CA8: variants seen among roughly 807,000 people sequenced by gnomAD.
The protein encoded by CA8 is carbonic anhydrase-related protein.
Under a neutral mutation model 41.4 loss-of-function variants are expected in CA8, and 22 were observed. The ratio of observed to expected loss-of-function variants is 0.53; its 90% CI spans 0.38 to 0.76. The LOEUF (loss-of-function observed/expected upper bound fraction) is 0.76. CA8 is among the 30% of genes least tolerant of loss of function. The pLI, the probability that CA8 is intolerant of heterozygous loss-of-function variation, is 0.00. For missense variants in CA8, 270 were observed against 352.8 expected, an observed-to-expected ratio of 0.77 and a Z score of 1.88; for synonymous variants, 121 against 130.6, an observed-to-expected ratio of 0.93 and a Z score of 0.50.
intron 3 of CA8, among the ~76,000 whole-genome samples, chr8:60,235,406 A>G (rs1807795108): frequency 6.6e-6 from 1 of 152,218 alleles, no homozygotes; most frequent in South Asian, 2.1e-4. Flanking sequence ...ATGTCCAAAT[A>G]CAGCCACAGT....
rs1036354755 is a variant in CA8, at chr8:60,281,213, T to C, written c.-66A>G. The C allele has an allele frequency of 1.0e-5, 12 of 1,189,078 alleles. No homozygotes were observed. The highest frequency in any genetic ancestry group is 7.8e-5 in the South Asian group (6 of 76,872). The allele number at this position is 1,189,078 out of a possible 1,614,324, so 73.7% of individuals were successfully genotyped here. On this transcript the variant is annotated 5_prime_UTR_variant, in exon 1 of 9. Coordinates refer to ENST00000317995, the MANE Select transcript of CA8 (RefSeq NM_004056.6). ...CCTGCGCCTTCGCTGGGCGCGGGGC[T>C]GGAGCCGGAGCGGAGCGCGCGTGGG...
intron 3 of CA8, among the ~76,000 whole-genome samples, chr8:60,258,430 C>G (rs888568421): frequency 6.6e-6 from 1 of 152,134 alleles, no homozygotes; most frequent in Non-Finnish European, 1.5e-5. Context: ...GAAATGTATC[C>G]TCCACAGTTA....
At chr8:60,257,659 C>G (rs1461589151) in intron 3 of CA8, among the ~76,000 whole-genome samples, 1 of 152,170 alleles carries the variant, frequency 6.6e-6, no homozygotes, top group Non-Finnish European at 1.5e-5. Context: ...TCTTCCCCAT[C>G]AAGAAAATTT....
rs562492709 is a variant in CA8, at chr8:60,270,797, C to T, written c.293-4748G>A. 2.0e-5 allele frequency among the ~76,000 whole-genome samples: 3 copies of T among 152,304 alleles called. No individual in the cohort carries two copies. In the East Asian group the frequency reaches 5.8e-4, roughly 29 times the overall value. ...AGAAATTCCAATGTTATCTCTAAAA[C>T]TTCCCCAAAATAGTATCATTTAGTT... On this transcript the variant is annotated intron_variant, in intron 2 of 8. Coordinates refer to ENST00000317995, the MANE Select transcript of CA8 (RefSeq NM_004056.6).
intron 7 of CA8, 84 bp from the exon 8 acceptor site, chr8:60,209,003 T>C (rs996304612): frequency 1.5e-6 from 2 of 1,352,202 alleles, no homozygotes; most frequent in Admixed American, 1.7e-5. Context: ...ATGCATAAAA[T>C]ATGTATAAAT....
intron 8 of CA8, among the ~76,000 whole-genome samples, chr8:60,191,675 T>C (rs1245579825): frequency 6.6e-6 from 1 of 152,156 alleles, no homozygotes; most frequent in Non-Finnish European, 1.5e-5. Context: ...GCTGCAGAAC[T>C]CATTTGGGAG....
At chr8:60,237,509 G>A (rs1019063512) in intron 3 of CA8, among the ~76,000 whole-genome samples, 3 of 152,214 alleles carry the variant, frequency 2.0e-5, no homozygotes, top group African/African-American at 4.8e-5. Flanking sequence ...ACGGGTCACT[G>A]CATAGGGTCA....
In CA8 at chr8:60,266,002, C is replaced by T. The variant is rs201131573; in HGVS notation, c.340G>A (p.Glu114Lys). The T allele has an allele frequency of 4.3e-6, 7 of 1,613,626 alleles. No homozygotes were observed. The highest frequency in any genetic ancestry group is 1.3e-5 in the African/African-American group (1 of 74,920). ...TCTCTTCCCCAGTGAAATCTCACTT[C>T]GTACAGTTCAAATTCATGCCCTTGA... ...LPQGHEFELY[E>K]VRFHWGRENQ... Residue 114 changes from glutamate (E) to lysine (K), a missense_variant, in exon 3 of 9, where the codon GAA becomes AAA. Physicochemically the swap from Glu to Lys is moderately conservative, Grantham distance 56. This residue lies in a region of CA8 where 123 missense variants were observed against 136.8 expected (regional missense o/e 0.90). Coordinates refer to ENST00000317995, the MANE Select transcript of CA8 (RefSeq NM_004056.6).
At chr8:60,231,976 G>T (rs1294500458) in intron 4 of CA8, among the ~76,000 whole-genome samples, 1 of 152,006 alleles carries the variant, frequency 6.6e-6, no homozygotes. Context: ...AGGGTCTAAA[G>T]AAATTTTCTG....
chr8:60,276,886 A>G (rs1804254928), intron 2 of CA8, among the ~76,000 whole-genome samples: 1 of 152,160 alleles, frequency 6.6e-6, no homozygotes, highest in African/African-American at 2.4e-5. Flanking sequence ...TGGGAGGCCG[A>G]GGTGGGCGGA....
At position 60,189,424 on chromosome 8, in the gene CA8, T is replaced by C. The variant is rs1806050396; in HGVS notation, c.*597A>G. 6.6e-6 allele frequency: 1 copy of C among 152,160 alleles called. No homozygotes were observed. Among genetic ancestry groups the C allele is most frequent in the African/African-American group, 2.4e-5 (1 of 41,444 alleles). 9.4% of individuals were successfully genotyped at this position (152,160 alleles called of 1,614,324 possible). A position where few individuals can be genotyped will look rare whatever the true frequency, so the allele number is the denominator to read the frequency against. On this transcript the variant is annotated 3_prime_UTR_variant, in exon 9 of 9. Coordinates refer to ENST00000317995, the MANE Select transcript of CA8 (RefSeq NM_004056.6). ...CTAAAGTGAGTATTATGTTGCTGCA[T>C]TAATGCCAAAAAATGTTTCCCATGG...
At position 60,224,151 on chromosome 8, in the gene CA8, G is replaced by A. The variant is rs137954483; in HGVS notation, c.625+386C>T. On this transcript the variant is annotated intron_variant, in intron 6 of 8. Transcript: ENST00000317995. ...GGCTGGAGTGCAGTCACGTAATCTC[G>A]GCTCACTGCAACCTCCACCTCCTGG... Among the ~76,000 whole-genome samples the A allele has an allele frequency of 7.0e-3, 1,071 of 152,122 alleles. 11 individuals carry two copies. Among genetic ancestry groups the A allele is most frequent in the African/African-American group, 0.025 (1,017 of 41,486 alleles).
In CA8 at chr8:60,281,093, C is replaced by T. The variant is rs777862901; in HGVS notation, c.55G>A (p.Asp19Asn). ...ACACCCTCCTCTTCTTCCTCCTCAT[C>T]CTCTTCCTTCTCGGGGAAGGCGACG... ...DTVAFPEKEE[D>N]EEEEEEGVEW... Residue 19 changes from aspartate (D) to asparagine (N), a missense_variant, in exon 1 of 9, where the codon GAT becomes AAT. Physicochemically the swap from Asp to Asn is conservative, Grantham distance 23 (BLOSUM62 1). Around this residue, in one of 3 missense-constraint regions of CA8, gnomAD observed 123 missense variants for 136.8 expected, o/e 0.90. Coordinates refer to ENST00000317995, the MANE Select transcript of CA8 (RefSeq NM_004056.6). 6.2e-7 allele frequency: 1 copy of T among 1,609,474 alleles called. No individual in the cohort carries two copies. The highest frequency in any genetic ancestry group is 8.5e-7 in the Non-Finnish European group (1 of 1,178,812).
At chr8:60,253,458 C>T (rs189098414) in intron 3 of CA8, among the ~76,000 whole-genome samples, 1 of 152,226 alleles carries the variant, frequency 6.6e-6, no homozygotes, top group African/African-American at 2.4e-5. Flanking sequence ...GAACACTCCT[C>T]AAGCCGACTC....
At chr8:60,271,644 C>G (rs1051500078) in intron 2 of CA8, among the ~76,000 whole-genome samples, 1 of 152,048 alleles carries the variant, frequency 6.6e-6, no homozygotes, top group Non-Finnish European at 1.5e-5. Flanking sequence ...CAGTGAAGGG[C>G]ACAAATGACC....
Position 60,281,371 on chromosome 8 carries a change from C to A in CA8, c.-224G>T, listed in dbSNP as rs998803690. 1.8e-6 allele frequency: 1 copy of A among 558,524 alleles called. No homozygotes were observed. Among genetic ancestry groups the A allele is most frequent in the Non-Finnish European group, 3.2e-6 (1 of 313,280 alleles). 34.6% of individuals were successfully genotyped at this position (558,524 alleles called of 1,614,324 possible). On this transcript the variant is annotated 5_prime_UTR_variant, in exon 1 of 9. Transcript: ENST00000317995. ...CCGCGTGGGAAGCGCGTCCGGAGGC[C>A]CCAGCAGAGCGAGGGAGCGGCTGTG...
At chr8:60,277,561 G>C (rs547235624) in intron 2 of CA8, among the ~76,000 whole-genome samples, 99 of 152,172 alleles carry the variant, frequency 6.5e-4, no homozygotes, top group Admixed American at 4.5e-3. Context: ...CACCATGTTG[G>C]TCAGGCTGGT....
chr8:60,197,547 T>C (rs892170830), intron 8 of CA8, among the ~76,000 whole-genome samples: 12 of 152,182 alleles, frequency 7.9e-5, no homozygotes, highest in African/African-American at 2.9e-4. Flanking sequence ...GAGACAGTTA[T>C]CAGTTAACGT....
At chr8:60,221,703 G>A (rs1254517878) in intron 7 of CA8, among the ~76,000 whole-genome samples, 1 of 152,176 alleles carries the variant, frequency 6.6e-6, no homozygotes, top group Non-Finnish European at 1.5e-5. Flanking sequence ...GAAGGGTATG[G>A]GGAGGAGAGG....
Sources: allele counts gnomAD v4.1 joint callset (sites outside exome capture counted in the v4.1 genomes callset), GRCh38; gene constraint gnomAD v4.1.1; regional missense constraint gnomAD v4.1.1; transcripts MANE v1.5; gene names NCBI Gene and HGNC (gene_info 2026-07-23, HGNC 2026-07-21).